Variants in NKAIN2 observed in about 807,000 individuals in gnomAD.
The protein encoded by NKAIN2 is sodium/potassium-transporting ATPase subunit beta-1-interacting protein 2.
Under a neutral mutation model 32.6 loss-of-function variants are expected in NKAIN2, and 14 were observed. That is an observed-to-expected ratio of 0.43 (90% CI 0.28 to 0.67). The LOEUF is 0.67. NKAIN2 is among the 30% of genes least tolerant of loss of function. The pLI, the probability that NKAIN2 is intolerant of heterozygous loss-of-function variation, is 0.17. For missense variants in NKAIN2, 198 were observed against 258.3 expected (o/e 0.77, Z 1.60); for synonymous variants, 80 against 87.2 (o/e 0.92, Z 0.46).
intron 1 of NKAIN2, among the ~76,000 whole-genome samples, chr6:124,210,060 T>C (rs1369064343): frequency 1.3e-5 from 2 of 151,914 alleles, no homozygotes; most frequent in Non-Finnish European, 2.9e-5. Flanking sequence ...ATGTTTTTTT[T>C]TCAGTGGTTT....
intron 1 of NKAIN2, among the ~76,000 whole-genome samples, chr6:124,253,991 A>G (rs1793807549): frequency 6.9e-6 from 1 of 144,246 alleles, no homozygotes; most frequent in African/African-American, 2.6e-5. Context: ...CTAATTTTGT[A>G]TTTTTAGTAG....
intron 3 of NKAIN2, among the ~76,000 whole-genome samples, chr6:124,409,364 T>C (rs948724085): frequency 1.6e-4 from 25 of 152,104 alleles, no homozygotes; most frequent in Admixed American, 6.6e-5. Context: ...TTGAGATACG[T>C]CCCATCAATA....
At chr6:124,390,889 T>C (rs1773112687) in intron 3 of NKAIN2, 1 of 151,536 alleles carries the variant, frequency 6.6e-6, no homozygotes, top group African/African-American at 2.4e-5. Flanking sequence ...CCAGGGGATA[T>C]AGCACAAGGC....
At chr6:124,027,947 C>T (rs1178620982) in intron 1 of NKAIN2, among the ~76,000 whole-genome samples, 1 of 152,138 alleles carries the variant, frequency 6.6e-6, no homozygotes, top group Non-Finnish European at 1.5e-5. Context: ...GCAATAAAGG[C>T]AAGTCTCCTT....
chr6:124,813,708 T>C (rs768607118), intron 5 of NKAIN2, among the ~76,000 whole-genome samples: 1 of 152,164 alleles, frequency 6.6e-6, no homozygotes, highest in Non-Finnish European at 1.5e-5. Flanking sequence ...CTCAAAGTAA[T>C]TTTGTGAAGA....
At chr6:123,962,859 A>T (rs188122182) in intron 1 of NKAIN2, among the ~76,000 whole-genome samples, 1 of 152,322 alleles carries the variant, frequency 6.6e-6, no homozygotes, top group Admixed American at 6.5e-5. Flanking sequence ...ACTCCTGCCC[A>T]GAGCGAGAGT....
At chr6:124,138,088 T>C in intron 1 of NKAIN2, among the ~76,000 whole-genome samples, 1 of 152,104 alleles carries the variant, frequency 6.6e-6, no homozygotes, top group East Asian at 1.9e-4. Context: ...GGAGAAAATA[T>C]CTGCAAACTA....
At chr6:123,870,823 A>C (rs1772832772) in intron 1 of NKAIN2, among the ~76,000 whole-genome samples, 1 of 152,082 alleles carries the variant, frequency 6.6e-6, no homozygotes, top group Admixed American at 6.6e-5. Flanking sequence ...ATTAGATAGG[A>C]GAAAAATTGC....
chr6:124,141,005 A>T (rs1011562062), intron 1 of NKAIN2, among the ~76,000 whole-genome samples: 3 of 152,216 alleles, frequency 2.0e-5, no homozygotes, highest in African/African-American at 7.2e-5. Flanking sequence ...AGAGAATAAT[A>T]CTTCTCCAAT....
At chr6:124,727,158 C>T (rs542313518) in intron 4 of NKAIN2, among the ~76,000 whole-genome samples, 18 of 151,522 alleles carry the variant, frequency 1.2e-4, no homozygotes, top group Admixed American at 3.3e-4. Context: ...GGAGAACTTC[C>T]CCAATCTAGC....
At chr6:123,892,356 T>C (rs1394376858) in intron 1 of NKAIN2, among the ~76,000 whole-genome samples, 3 of 152,192 alleles carry the variant, frequency 2.0e-5, no homozygotes, top group African/African-American at 7.2e-5. Context: ...CAGTTCCACA[T>C]GTCTGGGGAG....
chr6:124,129,699 C>T (rs958863117), intron 1 of NKAIN2, among the ~76,000 whole-genome samples: 12 of 152,052 alleles, frequency 7.9e-5, no homozygotes, highest in African/African-American at 2.9e-4. Flanking sequence ...TTCACTGCAC[C>T]CTCTGCCTCC....
chr6:124,732,830 C>A (rs1776752847), intron 4 of NKAIN2, among the ~76,000 whole-genome samples: 1 of 151,608 alleles, frequency 6.6e-6, no homozygotes, highest in Non-Finnish European at 1.5e-5. Context: ...GATATTAACC[C>A]AACTGATTTG....
chr6:123,813,066 C>A (rs1239536183), intron 1 of NKAIN2, among the ~76,000 whole-genome samples: 3 of 152,252 alleles, frequency 2.0e-5, no homozygotes, highest in Non-Finnish European at 4.4e-5. Flanking sequence ...GGGCTTGCAG[C>A]CATAAGAGTT....
At chr6:124,387,145 A>G (rs1383973526) in intron 3 of NKAIN2, among the ~76,000 whole-genome samples, 1 of 152,160 alleles carries the variant, frequency 6.6e-6, no homozygotes, top group African/African-American at 2.4e-5. Context: ...TGTATAAAAT[A>G]TATGAGTGTA....
intron 3 of NKAIN2, among the ~76,000 whole-genome samples, chr6:124,411,682 G>T (rs1235805948): frequency 3.3e-5 from 5 of 152,118 alleles, no homozygotes; most frequent in Admixed American, 6.5e-5. Flanking sequence ...TTCTCGAGGA[G>T]TATCTTTGTG....
intron 1 of NKAIN2, among the ~76,000 whole-genome samples, chr6:124,121,573 G>A (rs770897038): frequency 1.3e-5 from 2 of 151,990 alleles, no homozygotes; most frequent in East Asian, 1.9e-4. Flanking sequence ...TGGAAGACAC[G>A]TTCAGATTTC....
chr6:124,277,921 A>G (rs931037571), intron 1 of NKAIN2, among the ~76,000 whole-genome samples: 2 of 151,904 alleles, frequency 1.3e-5, no homozygotes, highest in Admixed American at 1.3e-4. Context: ...TCAAAAGCCC[A>G]TTTTTTCTCT....
intron 1 of NKAIN2, among the ~76,000 whole-genome samples, chr6:123,900,532 GTTTTTTTTTTTTTTTTTTTTTTTTT>G (rs34370743): frequency 6.1e-5 from 2 of 32,764 alleles, no homozygotes; most frequent in Non-Finnish European, 1.1e-4. Flanking sequence ...CTCCAGATTA[GTTTTTTTTTTTTTTTTTTTTTTTTT>G]TTTTTTTTTT....
Sources: allele counts gnomAD v4.1 joint callset (sites outside exome capture counted in the v4.1 genomes callset), GRCh38; gene constraint gnomAD v4.1.1; transcripts MANE v1.5; gene names NCBI Gene and HGNC (gene_info 2026-07-23, HGNC 2026-07-21).